DLGAP2: variants seen among roughly 807,000 people sequenced by gnomAD.
DLGAP2 encodes the protein disks large-associated protein 2.
Under a neutral mutation model 100.3 loss-of-function variants are expected in DLGAP2, and 26 were observed. The ratio of observed to expected loss-of-function variants is 0.26; its 90% CI spans 0.19 to 0.36. DLGAP2 has a LOEUF of 0.36. Ranked by LOEUF, DLGAP2 falls within the 10% of genes least tolerant of loss-of-function variation. The probability of loss-of-function intolerance (pLI) is 1.00; values close to 1 mark genes in which losing one functional copy is unlikely to be tolerated. For missense variants in DLGAP2, 1,858 were observed against 1,453.2 expected, an observed-to-expected ratio of 1.28 and a Z score of -4.53; for synonymous variants, 886 against 630.1, an observed-to-expected ratio of 1.41 and a Z score of -6.08.
At chr8:1,257,135 A>T (rs945763396) in intron 2 of DLGAP2, among the ~76,000 whole-genome samples, 1 of 151,976 alleles carries the variant, frequency 6.6e-6, no homozygotes, top group Non-Finnish European at 1.5e-5. Context: ...AAGTCGGGAG[A>T]GCTCAGTAGA....
At chr8:976,159 A>G (rs1373955332) in intron 2 of DLGAP2, among the ~76,000 whole-genome samples, 2 of 152,224 alleles carry the variant, frequency 1.3e-5, no homozygotes, top group African/African-American at 4.8e-5. Context: ...CTGTATGAAG[A>G]AAGCTACAAA....
rs142346949 is a variant in DLGAP2, at chr8:960,280, T to G, written c.73+52314T>G. Among the ~76,000 whole-genome samples the G allele has an allele frequency of 2.9e-3, 346 of 119,244 alleles. 1 individual carries two copies. Among genetic ancestry groups the G allele is most frequent in the African/African-American group, 0.01 (322 of 30,952 alleles). The allele number at this position is 119,244 out of a possible 152,430, so 78.2% of individuals were successfully genotyped here. A position where few individuals can be genotyped will look rare whatever the true frequency, so the allele number is the denominator to read the frequency against. ...CGAGACACTCTCACGCTGTCGTCCA[T>G]GCTGGAGTGAAGTGGCACAATCTTG... On this transcript the variant is annotated intron_variant, in intron 2 of 14. Transcript: ENST00000637795.
intron 6 of DLGAP2, among the ~76,000 whole-genome samples, chr8:1,592,826 G>C (rs914257573): frequency 4.6e-5 from 7 of 152,126 alleles, no homozygotes; most frequent in African/African-American, 2.4e-5. Context: ...TTCTCTGTGA[G>C]CATCACCGAC....
At chr8:1,057,362 C>T (rs1433153984) in intron 2 of DLGAP2, among the ~76,000 whole-genome samples, 1 of 152,226 alleles carries the variant, frequency 6.6e-6, no homozygotes, top group African/African-American at 2.4e-5. Flanking sequence ...GAATTACATA[C>T]AGTTCATGTT....
intron 2 of DLGAP2, among the ~76,000 whole-genome samples, chr8:1,055,936 G>T (rs906450911): frequency 7.9e-5 from 12 of 152,200 alleles, no homozygotes; most frequent in African/African-American, 2.9e-4. Flanking sequence ...GCCAGCTAAA[G>T]AAAAGAGTGG....
At chr8:942,357 C>T (rs928188061) in intron 2 of DLGAP2, among the ~76,000 whole-genome samples, 4 of 152,228 alleles carry the variant, frequency 2.6e-5, no homozygotes, top group African/African-American at 9.6e-5. Flanking sequence ...GTGTTTCTGG[C>T]ACACTCAGCA....
chr8:1,312,380 T>G (rs541675468), intron 3 of DLGAP2, among the ~76,000 whole-genome samples: 2 of 152,268 alleles, frequency 1.3e-5, no homozygotes, highest in East Asian at 3.9e-4. Flanking sequence ...GAAAGACAGT[T>G]AAGAGAATGA....
intron 1 of DLGAP2, among the ~76,000 whole-genome samples, chr8:786,076 C>G (rs1260746891): frequency 6.6e-6 from 1 of 152,240 alleles, no homozygotes; most frequent in East Asian, 1.9e-4. Context: ...CCCGCCGCCT[C>G]CGTAACCGGG....
chr8:1,510,590 G>A (rs1800127300), intron 4 of DLGAP2, among the ~76,000 whole-genome samples: 1 of 152,206 alleles, frequency 6.6e-6, no homozygotes, highest in Non-Finnish European at 1.5e-5. Flanking sequence ...TGGTGCCTTG[G>A]TCAATATGCT....
rs190511259 is a variant in DLGAP2, at chr8:1,472,245, A to C, written c.107-29121A>C. ...CCATGTTGGGAGGGGAGGGGGGTTG[A>C]GCCATGCGGTAGAGCGGCTGTGCAC... On this transcript the variant is annotated intron_variant, in intron 3 of 14. Transcript: ENST00000637795. Among the ~76,000 whole-genome samples, 924 of 152,216 alleles carry C rather than the reference A, an allele frequency of 6.1e-3. 12 individuals are homozygous for C. Among genetic ancestry groups the C allele is most frequent in the African/African-American group, 0.02 (848 of 41,538 alleles).
At chr8:1,542,373 C>G (rs776641447) in intron 4 of DLGAP2, among the ~76,000 whole-genome samples, 1 of 152,220 alleles carries the variant, frequency 6.6e-6, no homozygotes, top group Non-Finnish European at 1.5e-5. Flanking sequence ...CCCCAAAAAG[C>G]AACCCTGTGC....
intron 2 of DLGAP2, among the ~76,000 whole-genome samples, chr8:968,152 C>T (rs1187578202): frequency 6.6e-6 from 1 of 151,790 alleles, no homozygotes; most frequent in East Asian, 2.0e-4. Context: ...TGATTTGTGA[C>T]TTCTGTTTAT....
chr8:1,007,901 G>C (rs991136173), intron 2 of DLGAP2, among the ~76,000 whole-genome samples: 3 of 152,136 alleles, frequency 2.0e-5, no homozygotes, highest in African/African-American at 7.2e-5. Flanking sequence ...ATGTCCCATA[G>C]TAGGGGAGGG....
chr8:1,012,858 C>T (rs6985741), intron 2 of DLGAP2, among the ~76,000 whole-genome samples: 49,564 of 151,400 alleles, frequency 0.33, 8,236 homozygotes, highest in Admixed American at 0.38. Context: ...ACGATAAGCA[C>T]GCCAGGTTCT....
At chr8:1,113,780 T>C (rs182903314) in intron 2 of DLGAP2, among the ~76,000 whole-genome samples, 1 of 152,296 alleles carries the variant, frequency 6.6e-6, no homozygotes, top group Admixed American at 6.5e-5. Flanking sequence ...GTGCTAGTTT[T>C]CAAGGGGAAT....
intron 2 of DLGAP2, among the ~76,000 whole-genome samples, chr8:1,255,049 G>A (rs1455899645): frequency 1.9e-5 from 2 of 106,958 alleles, no homozygotes; most frequent in Non-Finnish European, 3.9e-5. Flanking sequence ...GCCGCTGTGT[G>A]TGTGTCCTCT....
chr8:1,311,615 G>T (rs962120692), intron 3 of DLGAP2, among the ~76,000 whole-genome samples: 2 of 151,946 alleles, frequency 1.3e-5, no homozygotes, highest in East Asian at 3.9e-4. Context: ...TGTAAAAGTG[G>T]TTCAGTTTAA....
intron 6 of DLGAP2, among the ~76,000 whole-genome samples, chr8:1,625,068 A>G (rs1397832375): frequency 6.6e-6 from 1 of 152,218 alleles, no homozygotes; most frequent in Non-Finnish European, 1.5e-5. Context: ...ATTTTTAAAG[A>G]CTGAAGTAAA....
chr8:777,729 C>G (rs1384408986), intron 1 of DLGAP2, among the ~76,000 whole-genome samples: 4 of 152,156 alleles, frequency 2.6e-5, no homozygotes, highest in African/African-American at 7.2e-5. Context: ...CGCTGTTAGT[C>G]TGATGGGCTT....
Sources: gnomAD v4.1 joint callset for allele counts (sites outside exome capture counted in the v4.1 genomes callset) on GRCh38, gnomAD v4.1.1 for gene constraint, MANE v1.5 for transcripts, NCBI Gene and HGNC (gene_info 2026-07-23, HGNC 2026-07-21) for gene names.